Variants in PRR14 observed in about 807,000 individuals in gnomAD.
The protein encoded by PRR14 is proline-rich protein 14.
PRR14 carries 33 observed loss-of-function variants against 57.2 expected under a neutral mutation model. The ratio of observed to expected loss-of-function variants is 0.58; its 90% CI spans 0.44 to 0.77. PRR14 has a LOEUF of 0.77. Among genes scored for constraint, PRR14 ranks in the 30% least tolerant of loss-of-function variants. PRR14 has a pLI of 0.00. For missense variants in PRR14, 716 were observed against 788.1 expected, an observed-to-expected ratio of 0.91 and a Z score of 1.10; for synonymous variants, 303 against 314.7, an observed-to-expected ratio of 0.96 and a Z score of 0.39.
In PRR14 at chr16:30,654,285, C is replaced by G; in HGVS notation, c.604C>G (p.Pro202Ala). Residue 202 changes from proline to alanine, a missense_variant, in exon 7 of 12, where the codon CCC becomes GCC. Physicochemically the swap from Pro to Ala is conservative, Grantham distance 27. Transcript: ENST00000300835. ...QPTPPPGDLEPPFQPSALPAD... is the reference protein window; with the variant it reads ...QPTPPPGDLEAPFQPSALPAD... ...AACGCCTCCACCTGGGGACCTAGAA[C>G]CCCCATTCCAGCCATCTGCTCTGCC... is the stretch of plus-strand genomic sequence containing the variant. 6.2e-7 allele frequency: 1 copy of G among 1,614,102 alleles called. No homozygotes were observed. The highest frequency in any genetic ancestry group is 1.3e-5 in the African/African-American group (1 of 75,036).
At chr16:30,653,193 T>C (rs921362336) in intron 5 of PRR14, 90 bp downstream of exon 5, 6 of 1,436,018 alleles carry the variant, frequency 4.2e-6, no homozygotes, top group Non-Finnish European at 5.7e-6. Context: ...GGTGGGTTTT[T>C]CTTGGGGTGA....
chr16:30,653,627 C>A (rs1159604857), intron 6 of PRR14, among the ~76,000 whole-genome samples: 1 of 152,156 alleles, frequency 6.6e-6, no homozygotes, highest in African/African-American at 2.4e-5. Flanking sequence ...CCTGGGCAAC[C>A]ACATCACTGT....
At position 30,653,080 on chromosome 16, in the gene PRR14, G is replaced by A. The variant is rs749081660; in HGVS notation, c.481G>A (p.Ala161Thr). 8.7e-6 allele frequency: 14 copies of A among 1,611,294 alleles called. No homozygotes were observed. Among genetic ancestry groups the A allele is most frequent in the African/African-American group, 4.0e-5 (3 of 74,886 alleles). ...CCTGGTGGTGATGCTGGAAGACATC[G>A]CCAGTCCTAGACCCCCCGCTGAGGT... ...PTLVVMLEDI[A>T]SPRPPAEGFI... Residue 161 changes from alanine (A) to threonine (T), a missense_variant, in exon 5 of 12, where the codon GCC becomes ACC. By Grantham distance (58) the Ala-to-Thr change is moderately conservative. Transcript: ENST00000300835.
At chr16:30,652,082 C>A in intron 3 of PRR14, 118 bp downstream of exon 3, 2 of 1,115,850 alleles carry the variant, frequency 1.8e-6, no homozygotes, top group South Asian at 1.6e-5. Context: ...TGTACTCAGC[C>A]CTCAGGCAGC....
rs781643686 is a variant in PRR14 at position 30,655,518 on chromosome 16, C to G, written c.1331C>G (p.Ser444Cys). 1 of 1,614,244 alleles carries G rather than the reference C, an allele frequency of 6.2e-7. No homozygotes were observed. The highest frequency in any genetic ancestry group is 1.1e-5 in the South Asian group (1 of 91,084). The part of the protein sequence containing the change: ...EPETKTMGKV[S>C]RFRIRRTPAR... ...TTTTTGCAGACCATGGGAAAGGTTT[C>G]TCGATTCAGAATACGCAGAACACCA... The change falls in exon 10 of 12, where the codon TCT becomes TGT. Residue 444 changes from serine (S) to cysteine (C), a missense_variant. Ser to Cys is a moderately radical substitution (Grantham distance 112). Coordinates refer to ENST00000300835, the MANE Select transcript of PRR14 (RefSeq NM_024031.5). This position sits in a 1 kb window ranked among gnomAD's most constrained non-coding sequence, Gnocchi z 4.6.
At chr16:30,653,149 A>T in intron 5 of PRR14, 46 bp downstream of exon 5, 3 of 1,543,452 alleles carry the variant, frequency 1.9e-6, no homozygotes, top group Non-Finnish European at 2.6e-6. Flanking sequence ...GCTGGGTTCC[A>T]GCAGGGATAG....
rs371649025 is a variant in PRR14, at chr16:30,655,533, G to A, written c.1346G>A (p.Arg449His). The change falls in exon 10 of 12, where the codon CGC becomes CAC. Residue 449 changes from arginine to histidine, a missense_variant. Coordinates refer to ENST00000300835, the MANE Select transcript of PRR14 (RefSeq NM_024031.5). The surrounding 1 kb of genome is among the most constrained non-coding windows in gnomAD (Gnocchi z 4.6). ...TMGKVSRFRIRRTPARPQLNL... is the reference protein window; with the variant it reads ...TMGKVSRFRIHRTPARPQLNL... ...GGAAAGGTTTCTCGATTCAGAATACGCAGAACACCAGCCCGTCCTCAGCTA... is the reference window on the plus strand; with the variant it reads ...GGAAAGGTTTCTCGATTCAGAATACACAGAACACCAGCCCGTCCTCAGCTA... 24 of 1,614,224 alleles carry A rather than the reference G, an allele frequency of 1.5e-5. No homozygotes were observed. In the Admixed American group the frequency reaches 2.3e-4, roughly 16 times the overall value.
Position 30,656,380 on chromosome 16 carries a change from T to G in PRR14, c.*69T>G. 1.5e-5 allele frequency: 21 copies of G among 1,427,162 alleles called. No homozygotes were observed. Among genetic ancestry groups the G allele is most frequent in the South Asian group, 2.7e-5 (2 of 74,504 alleles). 88.4% of individuals were successfully genotyped at this position (1,427,162 alleles called of 1,614,324 possible). On this transcript the variant is annotated 3_prime_UTR_variant, in exon 12 of 12. Transcript: ENST00000300835. ...TCCCAGGCAGTTATTTTTTTTTCTC[T>G]ATATTTCTAGTAAAGTTTTCGATAT...
Position 30,652,268 on chromosome 16 carries a change from T to C in PRR14, c.192+304T>C, listed in dbSNP as rs756078324. 8 of 594,364 alleles carry C rather than the reference T, an allele frequency of 1.3e-5. 1 individual carries two copies. Among genetic ancestry groups the C allele is most frequent in the South Asian group, 1.2e-4 (8 of 65,570 alleles). The allele number at this position is 594,364 out of a possible 1,614,324, so 36.8% of individuals were successfully genotyped here. ...TTTTAGAGACAGGGTCTTGCTATGT[T>C]GCACAAGCTGGTCTCAAACTGGCAT... On this transcript the variant is annotated intron_variant, in intron 3 of 11. Transcript: ENST00000300835.
intron 5 of PRR14, 61 bp from the exon 6 acceptor site, chr16:30,653,304 G>A (rs1357676627): frequency 1.9e-6 from 3 of 1,561,240 alleles, no homozygotes; most frequent in East Asian, 4.5e-5. Flanking sequence ...GAAAGAGTCA[G>A]GATGTGGGGC....
intron 3 of PRR14, chr16:30,652,170 G>A (rs1373141431): frequency 4.7e-6 from 3 of 640,538 alleles, no homozygotes; most frequent in East Asian, 2.7e-5. Flanking sequence ...ACCCACCAAC[G>A]ATTTTGGGCT....
Position 30,654,798 on chromosome 16 carries a change from G to GCCC in PRR14, c.828_829insCCC (p.Pro276dup). The GCCC allele has an allele frequency of 1.7e-6, 1 of 589,550 alleles. No individual in the cohort carries two copies. The highest frequency in any genetic ancestry group is 2.4e-6 in the Non-Finnish European group (1 of 420,512). The allele number at this position is 589,550 out of a possible 1,614,324, so 36.5% of individuals were successfully genotyped here. A position where few individuals can be genotyped will look rare whatever the true frequency, so the allele number is the denominator to read the frequency against. On this transcript the variant is annotated inframe_insertion, in exon 8 of 12. Coordinates refer to ENST00000300835, the MANE Select transcript of PRR14 (RefSeq NM_024031.5). ...ACAAAACCCCACAGCCCCCACCCCC[G>GCCC]TCCCCCCCAATGAAGCTGGAGTTGA...
Position 30,651,347 on chromosome 16 carries a change from C to T in PRR14, c.-51+220C>T. The T allele has an allele frequency of 2.3e-6, 1 of 435,410 alleles. No individual in the cohort carries two copies. Among genetic ancestry groups the T allele is most frequent in the Non-Finnish European group, 4.2e-6 (1 of 238,890 alleles). 27.0% of individuals were successfully genotyped at this position (435,410 alleles called of 1,614,324 possible). On this transcript the variant is annotated intron_variant, in intron 1 of 11. Transcript: ENST00000300835. The surrounding 1 kb of genome is among the most constrained non-coding windows in gnomAD (Gnocchi z 5.0). ...GACAAAGGCCTCGGGAGGCTCGGGC[C>T]GCGGGAGAACTGGGGCCGCTGCATT... is the stretch of plus-strand genomic sequence containing the variant.
intron 3 of PRR14, 32 bp from the exon 4 acceptor site, chr16:30,652,689 C>A: frequency 5.0e-6 from 8 of 1,614,054 alleles, no homozygotes; most frequent in Non-Finnish European, 6.8e-6. Context: ...CTCATTCTAT[C>A]ACCTTGCTCT....
Position 30,652,868 on chromosome 16 carries a change from C to A in PRR14, c.314+26C>A, listed in dbSNP as rs776599073. 7.4e-6 allele frequency: 12 copies of A among 1,613,910 alleles called. No individual in the cohort carries two copies. The South Asian group carries it at 1.3e-4, about 18-fold the overall frequency. On this transcript the variant is annotated intron_variant, in intron 4 of 11. Coordinates refer to ENST00000300835, the MANE Select transcript of PRR14 (RefSeq NM_024031.5). Reference sequence around the variant, plus strand: ...GTGAGCATGGCAGGATGGGGGTAAGCCGAGGGCCCAGCTGAGCCATTTTAA... The same window carrying A: ...GTGAGCATGGCAGGATGGGGGTAAGACGAGGGCCCAGCTGAGCCATTTTAA...
intron 3 of PRR14, 168 bp downstream of exon 3, chr16:30,652,132 C>A: frequency 2.6e-6 from 2 of 765,712 alleles, no homozygotes; most frequent in Non-Finnish European, 2.1e-6. Flanking sequence ...CCACTTACTC[C>A]AACCTAGAAT....
chr16:30,652,954 C>G lies in PRR14; in HGVS notation c.355C>G (p.Arg119Gly), dbSNP rs750733825. 2 of 1,614,078 alleles carry G rather than the reference C, an allele frequency of 1.2e-6. No homozygotes were observed. The highest frequency in any genetic ancestry group is 1.7e-5 in the Admixed American group (1 of 60,018). ...GTGTTTGTGTCGCGAGCCCTTGAGC[C>G]GCATCCACCGGACCTCTTCCACCCT... ...PLCLCREPLS[R>G]IHRTSSTLRR... The change falls in exon 5 of 12, where the codon CGC (arginine) becomes GGC (glycine). Residue 119 changes from arginine to glycine, a missense_variant. Physicochemically the swap from Arg to Gly is moderately radical, Grantham distance 125. Coordinates refer to ENST00000300835, the MANE Select transcript of PRR14 (RefSeq NM_024031.5).
In PRR14 at chr16:30,651,983, G is replaced by A. The variant is rs770733198; in HGVS notation, c.192+19G>A. ...TCACATGGTGAGCCCCCTGAACCAA[G>A]AGACTCTCTATTCCCCCATGACTTT... On this transcript the variant is annotated intron_variant, in intron 3 of 11. Transcript: ENST00000300835. The surrounding 1 kb of genome is among the most constrained non-coding windows in gnomAD (Gnocchi z 5.0). The A allele has an allele frequency of 7.9e-6, 12 of 1,522,566 alleles. No individual in the cohort carries two copies. In the Admixed American group the frequency reaches 2.5e-4, roughly 31 times the overall value. The allele number at this position is 1,522,566 out of a possible 1,614,324, so 94.3% of individuals were successfully genotyped here.
At position 30,654,939 on chromosome 16, in the gene PRR14, C is replaced by T. The variant is rs766945314; in HGVS notation, c.969C>T (p.Leu323=). Reference sequence around the variant, plus strand: ...AGGACCACAATACCCCAGCACTTCTCCCTAAGCCCTCTCTGGGCCGAAGCT... The same window carrying T: ...AGGACCACAATACCCCAGCACTTCTTCCTAAGCCCTCTCTGGGCCGAAGCT... ...RTQDHNTPAL[L]PKPSLGRSYS... is the part of the protein sequence containing the mutation. The change falls in exon 8 of 12, where the codon CTC becomes CTT. Residue 323 remains leucine, a synonymous_variant. Transcript: ENST00000300835. The T allele has an allele frequency of 6.2e-7, 1 of 1,612,630 alleles. No individual in the cohort carries two copies. Among genetic ancestry groups the T allele is most frequent in the Non-Finnish European group, 8.5e-7 (1 of 1,180,026 alleles).
Sources: allele counts gnomAD v4.1 joint callset (sites outside exome capture counted in the v4.1 genomes callset), GRCh38; gene constraint gnomAD v4.1.1; non-coding constraint Gnocchi (gnomAD v3.1); transcripts MANE v1.5; gene names NCBI Gene and HGNC (gene_info 2026-07-23, HGNC 2026-07-21).